REDIC1: variants seen among roughly 807,000 people sequenced by gnomAD.
REDIC1 encodes HEI10 Interacting Protein 1.
At chr12:39,722,517 T>C in the REDIC1 span, among the ~76,000 whole-genome samples, 3 of 152,122 alleles carry the variant, frequency 2.0e-5, no homozygotes, top group African/African-American at 4.8e-5. Context: ...CACTGATACA[T>C]AGAAAAAGAA....
the REDIC1 span, among the ~76,000 whole-genome samples, chr12:39,866,486 A>ATT: frequency 6.8e-6 from 1 of 147,876 alleles, no homozygotes; most frequent in Middle Eastern, 3.5e-3. Flanking sequence ...TATTTGAAAG[A>ATT]TTTTTTTTTT....
the REDIC1 span, chr12:39,643,739 G>A: frequency 2.0e-4 from 264 of 1,349,870 alleles, no homozygotes; most frequent in Admixed American, 3.2e-4. Context: ...GTCTAAAACC[G>A]CATATTTGCT....
At chr12:39,712,205 C>CATATGTATATATACATGTATATATACCT in the REDIC1 span, among the ~76,000 whole-genome samples, 1 of 10,752 alleles carries the variant, frequency 9.3e-5, no homozygotes, top group Non-Finnish European at 3.5e-4. Flanking sequence ...TACATATATA[C>CATATGTATATATACATGTATATATACCT]ATATGTATAT....
chr12:39,781,265 C>G, the REDIC1 span, among the ~76,000 whole-genome samples: 1 of 152,188 alleles, frequency 6.6e-6, no homozygotes, highest in African/African-American at 2.4e-5. Context: ...TTAAAATTCA[C>G]TCTATCCTCC....
the REDIC1 span, among the ~76,000 whole-genome samples, chr12:39,664,885 T>G: frequency 6.6e-6 from 1 of 152,230 alleles, no homozygotes; most frequent in Non-Finnish European, 1.5e-5. Context: ...TTTTGAGAAG[T>G]GTCTGTTCAT....
chr12:39,677,925 T>C, the REDIC1 span, among the ~76,000 whole-genome samples: 3 of 152,130 alleles, frequency 2.0e-5, no homozygotes, highest in South Asian at 2.1e-4. Flanking sequence ...TCGAAACCTC[T>C]GGAATACAGC....
At chr12:39,858,709 C>A in the REDIC1 span, among the ~76,000 whole-genome samples, 1 of 152,082 alleles carries the variant, frequency 6.6e-6, no homozygotes, top group African/African-American at 2.4e-5. Context: ...CAGGTTCAAG[C>A]GATTCTCCTG....
chr12:39,661,818 G>C, the REDIC1 span, among the ~76,000 whole-genome samples: 1 of 151,924 alleles, frequency 6.6e-6, no homozygotes, highest in African/African-American at 2.4e-5. Flanking sequence ...ATTTTGAGTT[G>C]ATTTTTGTAT....
chr12:39,880,371 A>G, the REDIC1 span, among the ~76,000 whole-genome samples: 2 of 152,240 alleles, frequency 1.3e-5, no homozygotes, highest in African/African-American at 4.8e-5. Context: ...TGAAATTTTC[A>G]AACATATTTT....
the REDIC1 span, among the ~76,000 whole-genome samples, chr12:39,823,430 C>A: frequency 6.6e-6 from 1 of 150,516 alleles, no homozygotes; most frequent in Non-Finnish European, 1.5e-5. Flanking sequence ...AAAGTGATAT[C>A]TCTTTTCAAA....
chr12:39,750,139 C>T, the REDIC1 span, among the ~76,000 whole-genome samples: 1 of 152,196 alleles, frequency 6.6e-6, no homozygotes, highest in Non-Finnish European at 1.5e-5. Context: ...TCCCTGTTTG[C>T]AGATGACATG....
At chr12:39,725,599 G>A in the REDIC1 span, among the ~76,000 whole-genome samples, 3 of 151,968 alleles carry the variant, frequency 2.0e-5, no homozygotes, top group Admixed American at 6.6e-5. Flanking sequence ...GAGGTACCAC[G>A]TGTTCTCTCA....
chr12:39,646,856 C>T, the REDIC1 span: 1 of 1,592,256 alleles, frequency 6.3e-7, no homozygotes, highest in Non-Finnish European at 8.6e-7. Flanking sequence ...CTGTCAAAGA[C>T]TAAGTAGCAA....
chr12:39,817,225 G>A, the REDIC1 span, among the ~76,000 whole-genome samples: 1 of 152,182 alleles, frequency 6.6e-6, no homozygotes, highest in Non-Finnish European at 1.5e-5. Context: ...AGTCTCTTTT[G>A]AAAGACTCAA....
At chr12:39,766,366 A>ACAT in the REDIC1 span, among the ~76,000 whole-genome samples, 1 of 152,076 alleles carries the variant, frequency 6.6e-6, no homozygotes, top group Non-Finnish European at 1.5e-5. Flanking sequence ...GTGTTCAATA[A>ACAT]CATTGTCTAA....
At chr12:39,742,649 G>A in the REDIC1 span, among the ~76,000 whole-genome samples, 6 of 152,136 alleles carry the variant, frequency 3.9e-5, no homozygotes, top group South Asian at 2.1e-4. Flanking sequence ...CTTAAATCAC[G>A]TAAAAAAGTG....
chr12:39,799,016 C>T, the REDIC1 span, among the ~76,000 whole-genome samples: 1 of 150,278 alleles, frequency 6.7e-6, no homozygotes, highest in African/African-American at 2.4e-5. Flanking sequence ...ATCTTCTCCC[C>T]ATTATCCCCA....
the REDIC1 span, among the ~76,000 whole-genome samples, chr12:39,899,026 C>CTAT: frequency 3.9e-5 from 6 of 151,950 alleles, no homozygotes; most frequent in Non-Finnish European, 7.4e-5. Context: ...CCCTCTTTTT[C>CTAT]TATTGATTGG....
the REDIC1 span, among the ~76,000 whole-genome samples, chr12:39,882,299 A>AT: frequency 6.6e-6 from 1 of 152,132 alleles, no homozygotes; most frequent in Non-Finnish European, 1.5e-5. Context: ...AGGACCAAGA[A>AT]TTTGCCTTTC....
Sources: allele counts gnomAD v4.1 joint callset (sites outside exome capture counted in the v4.1 genomes callset), GRCh38; gene constraint gnomAD v4.1.1; transcripts MANE v1.5; gene names NCBI Gene and HGNC (gene_info 2026-07-23, HGNC 2026-07-21).